KCNT2: variants seen among roughly 807,000 people sequenced by gnomAD.
KCNT2 encodes the protein potassium sodium-activated channel subfamily T member 2.
KCNT2 carries 67 observed loss-of-function variants against 153.8 expected under a neutral mutation model. The ratio of observed to expected loss-of-function variants is 0.44; its 90% CI spans 0.36 to 0.53. KCNT2 has a LOEUF of 0.53. Among genes scored for constraint, KCNT2 ranks in the 20% least tolerant of loss-of-function variants. The pLI is 0.00. For missense variants in KCNT2, 975 were observed against 1,354.8 expected (o/e 0.72, Z 4.40); for synonymous variants, 500 against 458.8 (o/e 1.09, Z -1.15).
At chr1:196,431,105 T>C (rs1462368833) in intron 8 of KCNT2, among the ~76,000 whole-genome samples, 1 of 152,100 alleles carries the variant, frequency 6.6e-6, no homozygotes, top group Non-Finnish European at 1.5e-5. Flanking sequence ...GTCATCTTGG[T>C]GAGAGAGAAG....
At chr1:196,346,271 C>G (rs970062016) in intron 14 of KCNT2, among the ~76,000 whole-genome samples, 2 of 152,096 alleles carry the variant, frequency 1.3e-5, no homozygotes, top group African/African-American at 2.4e-5. Context: ...CTATCCCCTA[C>G]TTACTAATAT....
chr1:196,351,576 G>A (rs1666702325), intron 14 of KCNT2, among the ~76,000 whole-genome samples: 1 of 152,016 alleles, frequency 6.6e-6, no homozygotes, highest in African/African-American at 2.4e-5. Context: ...CTTTGCTGAA[G>A]TTGCTTATCA....
At chr1:196,326,454 G>A (rs1232183628) in intron 19 of KCNT2, among the ~76,000 whole-genome samples, 1 of 151,886 alleles carries the variant, frequency 6.6e-6, no homozygotes, top group Non-Finnish European at 1.5e-5. Context: ...TATTTCCTGT[G>A]GTATTATGAG....
intron 8 of KCNT2, among the ~76,000 whole-genome samples, chr1:196,457,038 C>T (rs1676732130): frequency 6.6e-6 from 1 of 151,830 alleles, no homozygotes; most frequent in Admixed American, 6.6e-5. Context: ...AAAAAGTGAG[C>T]TATTTTCCAA....
chr1:196,365,130 C>T (rs1667933713), intron 14 of KCNT2, among the ~76,000 whole-genome samples: 1 of 151,970 alleles, frequency 6.6e-6, no homozygotes, highest in Non-Finnish European at 1.5e-5. Flanking sequence ...TCAAAATATC[C>T]TTGTAATAAT....
chr1:196,540,704 T>C (rs1006238444), intron 1 of KCNT2, among the ~76,000 whole-genome samples: 47 of 152,170 alleles, frequency 3.1e-4, no homozygotes, highest in African/African-American at 1.1e-3. Flanking sequence ...TCTCAGCAAG[T>C]ATGTAACCTT....
intron 18 of KCNT2, among the ~76,000 whole-genome samples, chr1:196,329,135 C>A (rs1278344742): frequency 6.6e-6 from 1 of 152,024 alleles, no homozygotes; most frequent in African/African-American, 2.4e-5. Flanking sequence ...GACCAGGACA[C>A]CAGCCCCACT....
chr1:196,350,384 T>C (rs1331901089), intron 14 of KCNT2, among the ~76,000 whole-genome samples: 1 of 152,174 alleles, frequency 6.6e-6, no homozygotes, highest in Non-Finnish European at 1.5e-5. Context: ...TCCTTAATTT[T>C]TAACGATTGC....
chr1:196,449,093 A>C (rs1293504866), intron 8 of KCNT2, among the ~76,000 whole-genome samples: 1 of 151,668 alleles, frequency 6.6e-6, no homozygotes, highest in Non-Finnish European at 1.5e-5. Flanking sequence ...AACAAACAAA[A>C]ATCCTGGGGA....
chr1:196,232,180 T>C (rs559346924), intron 27 of KCNT2, among the ~76,000 whole-genome samples: 2 of 151,954 alleles, frequency 1.3e-5, no homozygotes, highest in South Asian at 4.1e-4. Flanking sequence ...CACTGCTTTA[T>C]AGTTACTTTA....
chr1:196,225,914 C>T lies in KCNT2; in HGVS notation c.*2310G>A, dbSNP rs2102195432. The T allele has an allele frequency of 6.6e-6, 1 of 152,116 alleles. No homozygotes were observed. The highest frequency in any genetic ancestry group is 2.1e-4 in the South Asian group (1 of 4,822). 9.4% of individuals were successfully genotyped at this position (152,116 alleles called of 1,614,324 possible). A position where few individuals can be genotyped will look rare whatever the true frequency, so the allele number is the denominator to read the frequency against. On this transcript the variant is annotated 3_prime_UTR_variant, in exon 28 of 28. Coordinates refer to ENST00000294725, the MANE Select transcript of KCNT2 (RefSeq NM_198503.5). The stretch of plus-strand genomic sequence containing the variant: ...TATTATTGACTTTATATTTTATTTT[C>T]ATGTGCAAGTATAATTATTTTAAAA...
chr1:196,261,483 T>C (rs1657021267), intron 25 of KCNT2, among the ~76,000 whole-genome samples: 1 of 151,938 alleles, frequency 6.6e-6, no homozygotes, highest in Non-Finnish European at 1.5e-5. Flanking sequence ...TCATATTTTA[T>C]GGCTTATGAC....
At chr1:196,255,105 T>A (rs760228123) in intron 26 of KCNT2, among the ~76,000 whole-genome samples, 1 of 151,578 alleles carries the variant, frequency 6.6e-6, no homozygotes, top group Non-Finnish European at 1.5e-5. Context: ...CATCAATAGA[T>A]AACAAAGAGC....
chr1:196,306,827 C>A (rs530103813), intron 21 of KCNT2, among the ~76,000 whole-genome samples: 2 of 151,740 alleles, frequency 1.3e-5, no homozygotes, highest in Admixed American at 6.6e-5. Context: ...CTAATCAAGG[C>A]CTTTGAGAGC....
intron 14 of KCNT2, among the ~76,000 whole-genome samples, chr1:196,363,300 T>A (rs1452900649): frequency 3.3e-5 from 5 of 152,070 alleles, no homozygotes; most frequent in Non-Finnish European, 5.9e-5. Context: ...CCAGCCCCCA[T>A]ATAATTCTGA....
At chr1:196,483,650 C>A (rs990422251) in intron 3 of KCNT2, among the ~76,000 whole-genome samples, 3 of 152,042 alleles carry the variant, frequency 2.0e-5, no homozygotes, top group African/African-American at 7.2e-5. Flanking sequence ...TCAGGGAAAC[C>A]CTCTCTGAGG....
intron 22 of KCNT2, among the ~76,000 whole-genome samples, chr1:196,290,340 C>T (rs1660071788): frequency 6.6e-6 from 1 of 151,920 alleles, no homozygotes; most frequent in African/African-American, 2.4e-5. Context: ...CTCTTGGACC[C>T]CTTGCTCATT....
At chr1:196,249,907 T>G (rs1655801265) in intron 26 of KCNT2, among the ~76,000 whole-genome samples, 1 of 151,890 alleles carries the variant, frequency 6.6e-6, no homozygotes. Context: ...GTGAAAAAGC[T>G]CTACAAAGTA....
At chr1:196,515,833 G>C (rs965961087) in intron 1 of KCNT2, among the ~76,000 whole-genome samples, 3 of 152,182 alleles carry the variant, frequency 2.0e-5, no homozygotes, top group East Asian at 1.9e-4. Context: ...CACAGAGCCA[G>C]TGTAGCCTCC....
Sources: allele counts gnomAD v4.1 joint callset (sites outside exome capture counted in the v4.1 genomes callset), GRCh38; gene constraint gnomAD v4.1.1; transcripts MANE v1.5; gene names NCBI Gene and HGNC (gene_info 2026-07-23, HGNC 2026-07-21).